ZFYVE16: variants seen among roughly 807,000 people sequenced by gnomAD.
ZFYVE16 encodes the protein zinc finger FYVE-type containing 16, also known as zinc finger FYVE domain-containing protein 16.
A neutral mutation model predicts 138.1 loss-of-function variants in ZFYVE16; 89 were observed. The ratio of observed to expected loss-of-function variants is 0.64; its 90% CI spans 0.54 to 0.77. ZFYVE16 has a LOEUF of 0.77. ZFYVE16 is among the 30% of genes least tolerant of loss of function. The pLI is 0.00. For missense variants in ZFYVE16, 1,793 were observed against 1,786.7 expected, an observed-to-expected ratio of 1.00 and a Z score of -0.06; for synonymous variants, 596 against 618.3, an observed-to-expected ratio of 0.96 and a Z score of 0.53.
At chr5:80,444,445 CTTTTTT>C (rs61461674) in intron 6 of ZFYVE16, among the ~76,000 whole-genome samples, 1 of 145,150 alleles carries the variant, frequency 6.9e-6, no homozygotes, top group Non-Finnish European at 1.5e-5. Context: ...AGACATTGAA[CTTTTTT>C]TTTTTTTTTA....
At chr5:80,427,610 C>CTTTTTTTTTTTTTTTTTTTTTTTTTTT in intron 2 of ZFYVE16, 65 bp downstream of exon 2, 17 of 50,012 alleles carry the variant, frequency 3.4e-4, no homozygotes, top group East Asian at 1.8e-3. Flanking sequence ...CTGTCGTATG[C>CTTTTTTTTTTTTTTTTTTTTTTTTTTT]TTTTTTTTTT....
In ZFYVE16 at chr5:80,483,101, T is replaced by A. The variant is rs538870322; in HGVS notation, c.*5724T>A. On this transcript the variant is annotated 3_prime_UTR_variant, in exon 19 of 19. Coordinates refer to ENST00000505560, the MANE Select transcript of ZFYVE16 (RefSeq NM_001284236.3). ...TCAGGATGGTCTCAAACTCCTGACC[T>A]CAGGTGATCTGCCTGCTTCGGCCTC... The A allele has an allele frequency of 6.6e-6, 1 of 152,366 alleles. No homozygotes were observed. The highest frequency in any genetic ancestry group is 2.4e-5 in the African/African-American group (1 of 41,580). The allele number at this position is 152,366 out of a possible 1,614,324, so 9.4% of individuals were successfully genotyped here.
chr5:80,454,815 A>G (rs1193024915), intron 11 of ZFYVE16: 1 of 152,192 alleles, frequency 6.6e-6, no homozygotes, highest in Non-Finnish European at 1.5e-5. Context: ...CAGCCCCAGT[A>G]TATTTCTTTT....
rs188700176 is a variant in ZFYVE16, at chr5:80,436,785, A to G, written c.100A>G (p.Asn34Asp). ...ACAAGATTATCTCCAAGATGTACAA[A>G]ATGCATATGATTCTAACCACTGCTC... ...DEQDYLQDVQ[N>D]AYDSNHCSVS... Residue 34 changes from asparagine to aspartate, a missense_variant, in exon 4 of 19, where the codon AAT becomes GAT. By Grantham distance (23) the Asn-to-Asp change is conservative. Around this residue, in one of 2 missense-constraint regions of ZFYVE16, gnomAD observed 1,295 missense variants for 1,204.3 expected, o/e 1.08. Coordinates refer to ENST00000505560, the MANE Select transcript of ZFYVE16 (RefSeq NM_001284236.3). 6.2e-7 allele frequency: 1 copy of G among 1,613,168 alleles called. No homozygotes were observed. The highest frequency in any genetic ancestry group is 8.5e-7 in the Non-Finnish European group (1 of 1,179,618).
chr5:80,440,743 A>T, intron 5 of ZFYVE16: 3 of 978,916 alleles, frequency 3.1e-6, no homozygotes, highest in Non-Finnish European at 3.6e-6. Flanking sequence ...TCTTTTGAGT[A>T]CCACTTGGCA....
At chr5:80,470,061 ATACGTGTGTGTG>A (rs1754162458) in intron 15 of ZFYVE16, among the ~76,000 whole-genome samples, 1 of 140,174 alleles carries the variant, frequency 7.1e-6, no homozygotes, top group Non-Finnish European at 1.5e-5. Context: ...GTGTGTATAT[ATACGTGTGTGTG>A]TGTGTGTGTG....
At chr5:80,447,619 C>T (rs1283940949) in intron 7 of ZFYVE16, among the ~76,000 whole-genome samples, 2 of 152,166 alleles carry the variant, frequency 1.3e-5, no homozygotes, top group African/African-American at 4.8e-5. Context: ...CCACTCCCCT[C>T]CCCTTCTTCC....
chr5:80,445,469 T>G (rs1751216608), intron 7 of ZFYVE16, 64 bp downstream of exon 7: 1 of 1,468,142 alleles, frequency 6.8e-7, no homozygotes, highest in Admixed American at 2.1e-5. Context: ...TAATTCCTGG[T>G]GTGATTATTA....
At position 80,477,440 on chromosome 5, in the gene ZFYVE16, G is replaced by A; in HGVS notation, c.*63G>A. On this transcript the variant is annotated 3_prime_UTR_variant, in exon 19 of 19. Transcript: ENST00000505560. ...TGTTAAAACTAACTCCAGCACTAAA[G>A]CTGAAATGCCACAAACACTAAAAGT... 4 of 1,469,856 alleles carry A rather than the reference G, an allele frequency of 2.7e-6. No individual in the cohort carries two copies. In the South Asian group the frequency reaches 5.2e-5, roughly 19 times the overall value. 91.1% of individuals were successfully genotyped at this position (1,469,856 alleles called of 1,614,324 possible).
At chr5:80,410,990 T>C (rs1745361959) in intron 1 of ZFYVE16, among the ~76,000 whole-genome samples, 1 of 149,070 alleles carries the variant, frequency 6.7e-6, no homozygotes. Context: ...TTTTTTGAGA[T>C]GGAGTCTCGC....
At chr5:80,452,507 A>G (rs1488608103) in intron 11 of ZFYVE16, 1 of 145,648 alleles carries the variant, frequency 6.9e-6, no homozygotes, top group African/African-American at 2.5e-5. Flanking sequence ...TAGATTTGGG[A>G]TGTTCGATAT....
intron 7 of ZFYVE16, among the ~76,000 whole-genome samples, chr5:80,446,733 C>A (rs1751394180): frequency 6.6e-6 from 1 of 151,982 alleles, no homozygotes; most frequent in African/African-American, 2.4e-5. Flanking sequence ...TTCAAACATT[C>A]AAGAAAGTAT....
intron 2 of ZFYVE16, 55 bp from the exon 3 acceptor site, chr5:80,434,054 G>A (rs1749514759): frequency 3.4e-6 from 4 of 1,170,354 alleles, no homozygotes; most frequent in Non-Finnish European, 4.9e-6. Flanking sequence ...GGAATACATG[G>A]CATAAAATTT....
At position 80,477,896 on chromosome 5, in the gene ZFYVE16, G is replaced by A. The variant is rs1022528862; in HGVS notation, c.*519G>A. 2 of 152,002 alleles carry A rather than the reference G, an allele frequency of 1.3e-5. No individual in the cohort carries two copies. The highest frequency in any genetic ancestry group is 4.8e-5 in the African/African-American group (2 of 41,400). The allele number at this position is 152,002 out of a possible 1,614,324, so 9.4% of individuals were successfully genotyped here. ...GATAACTTATTTGTATAATTGGAGT[G>A]GAGACCTACCTCCATAATTAGATAA... On this transcript the variant is annotated 3_prime_UTR_variant, in exon 19 of 19. Coordinates refer to ENST00000505560, the MANE Select transcript of ZFYVE16 (RefSeq NM_001284236.3).
intron 16 of ZFYVE16, among the ~76,000 whole-genome samples, chr5:80,473,288 T>C (rs1040396707): frequency 2.6e-5 from 4 of 152,204 alleles, no homozygotes; most frequent in Admixed American, 2.0e-4. Context: ...TGTATTATTT[T>C]GATTCACTAT....
intron 2 of ZFYVE16, among the ~76,000 whole-genome samples, chr5:80,433,859 G>A (rs112287678): frequency 6.6e-6 from 1 of 152,158 alleles, no homozygotes; most frequent in African/African-American, 2.4e-5. Context: ...TGACCCATGA[G>A]TTATTTAGGT....
chr5:80,435,007 A>AC (rs1044477046), intron 3 of ZFYVE16, among the ~76,000 whole-genome samples: 32 of 148,544 alleles, frequency 2.2e-4, no homozygotes, highest in African/African-American at 7.5e-4. Flanking sequence ...GATTACAGGC[A>AC]CCCCCCACCA....
At chr5:80,430,227 A>G (rs1748789773) in intron 2 of ZFYVE16, among the ~76,000 whole-genome samples, 2 of 152,218 alleles carry the variant, frequency 1.3e-5, no homozygotes, top group South Asian at 4.1e-4. Flanking sequence ...AACAGAAATT[A>G]TAACAAACTG....
intron 2 of ZFYVE16, among the ~76,000 whole-genome samples, chr5:80,429,146 A>G (rs1218272391): frequency 2.0e-5 from 3 of 152,234 alleles, no homozygotes; most frequent in African/African-American, 4.8e-5. Flanking sequence ...TCCAAGACAC[A>G]TAATTGTCAG....
Sources: allele counts gnomAD v4.1 joint callset (sites outside exome capture counted in the v4.1 genomes callset), GRCh38; gene constraint gnomAD v4.1.1; regional missense constraint gnomAD v4.1.1; transcripts MANE v1.5; gene names NCBI Gene and HGNC (gene_info 2026-07-23, HGNC 2026-07-21).